Variants in CUL5 observed in about 807,000 individuals in gnomAD.
CUL5 encodes the protein cullin 5, also known as cullin-5.
CUL5 carries 26 observed loss-of-function variants against 108.8 expected under a neutral mutation model. The observed-to-expected ratio is 0.24, with a 90% CI of 0.18 to 0.33. The LOEUF (loss-of-function observed/expected upper bound fraction) is 0.33. Among genes scored for constraint, CUL5 ranks in the 10% least tolerant of loss-of-function variants. CUL5 has a pLI of 1.00. For synonymous variants in CUL5, 334 were observed against 298.0 expected, an observed-to-expected ratio of 1.12 and a Z score of -1.25; for missense variants, 524 against 909.2, an observed-to-expected ratio of 0.58 and a Z score of 5.45.
chr11:108,017,248 G>A (rs991646299), intron 1 of CUL5, among the ~76,000 whole-genome samples: 1 of 151,934 alleles, frequency 6.6e-6, no homozygotes, highest in Non-Finnish European at 1.5e-5. Flanking sequence ...TAAATACCTG[G>A]GGGTGGTGGT....
chr11:108,097,565 A>T (rs1591335494), intron 16 of CUL5, 71 bp from the exon 17 acceptor site: 2 of 823,590 alleles, frequency 2.4e-6, no homozygotes, highest in East Asian at 2.5e-5. Flanking sequence ...TATGTTGATT[A>T]TGTGGGAGAA....
In CUL5 at chr11:108,095,601, A is replaced by G. The variant is rs1864471541; in HGVS notation, c.1815A>G (p.Ala605=). ...VTTFQLAVLF[A]WNQRPREKIS... is the part of the protein sequence containing the mutation. Reference sequence around the variant, plus strand: ...CGTTTCAGCTCGCTGTATTGTTTGCATGGAACCAAAGACCCAGAGAGAAAA... The same window carrying G: ...CGTTTCAGCTCGCTGTATTGTTTGCGTGGAACCAAAGACCCAGAGAGAAAA... The change falls in exon 16 of 19, where the codon GCA becomes GCG. Residue 605 remains alanine, a synonymous_variant. Coordinates refer to ENST00000393094, the MANE Select transcript of CUL5 (RefSeq NM_003478.6). 6.2e-6 allele frequency: 10 copies of G among 1,614,070 alleles called. No individual in the cohort carries two copies. The highest frequency in any genetic ancestry group is 4.5e-5 in the East Asian group (2 of 44,870).
At chr11:108,038,975 C>T (rs1862818591) in intron 2 of CUL5, among the ~76,000 whole-genome samples, 1 of 150,992 alleles carries the variant, frequency 6.6e-6, no homozygotes, top group African/African-American at 2.4e-5. Context: ...AGAGATTGTT[C>T]TGCATGTTGT....
chr11:108,044,760 TTTA>T (rs934427830), intron 2 of CUL5, among the ~76,000 whole-genome samples: 2 of 151,554 alleles, frequency 1.3e-5, no homozygotes, highest in Non-Finnish European at 2.9e-5. Flanking sequence ...TATATTTTAA[TTTA>T]TTATTATTAT....
Position 108,095,634 on chromosome 11 carries a change from T to C in CUL5, c.1848T>C (p.Phe616=), listed in dbSNP as rs79102142. The part of the protein sequence containing the change: ...WNQRPREKIS[F]ENLKLATELP... ...AAAGACCCAGAGAGAAAATCAGCTTTGAAAATCTTAAGCTTGCAACTGAAC... is the reference window on the plus strand; with the variant it reads ...AAAGACCCAGAGAGAAAATCAGCTTCGAAAATCTTAAGCTTGCAACTGAAC... The change falls in exon 16 of 19, where the codon TTT becomes TTC. Residue 616 remains phenylalanine, a synonymous_variant. Transcript: ENST00000393094. 796 of 1,614,088 alleles carry C rather than the reference T, an allele frequency of 4.9e-4. 2 individuals carry two copies. In the African/African-American group the frequency reaches 9.7e-3, roughly 20 times the overall value.
At chr11:108,067,785 C>T (rs557440897) in intron 7 of CUL5, among the ~76,000 whole-genome samples, 103 of 152,184 alleles carry the variant, frequency 6.8e-4, no homozygotes, top group Non-Finnish European at 1.4e-3. Flanking sequence ...TCTGGTTTCA[C>T]TGCTTAAGGT....
chr11:108,038,242 T>A (rs561316936), intron 2 of CUL5, among the ~76,000 whole-genome samples: 3 of 152,322 alleles, frequency 2.0e-5, no homozygotes, highest in Admixed American at 2.0e-4. Context: ...TTTGCCAGTC[T>A]GTGTTGATAA....
rs575166432 is a variant in CUL5, at chr11:108,022,987, G to A, written c.25-10815G>A. 9.9e-5 allele frequency among the ~76,000 whole-genome samples: 15 copies of A among 152,282 alleles called. 1 individual carries two copies. The highest frequency in any genetic ancestry group is 8.3e-4 in the South Asian group (4 of 4,824). ...TTCCTGGCCCAGCGTGGTGGCTCAC[G>A]CCTGTAATCCTAGCACTTTGGGAGG... On this transcript the variant is annotated intron_variant, in intron 1 of 18. Transcript: ENST00000393094.
intron 1 of CUL5, among the ~76,000 whole-genome samples, chr11:108,028,028 C>G (rs1009550917): frequency 3.9e-5 from 6 of 152,140 alleles, no homozygotes; most frequent in African/African-American, 1.4e-4. Context: ...CTTGGGTCTC[C>G]ATCTTTATGT....
intron 2 of CUL5, among the ~76,000 whole-genome samples, chr11:108,039,915 CTTAG>C (rs755893189): frequency 3.3e-5 from 5 of 152,024 alleles, no homozygotes; most frequent in Admixed American, 6.6e-5. Context: ...GTTTCTTGGT[CTTAG>C]TTAGAAGCAT....
At chr11:108,027,621 CTGG>C (rs1248666634) in intron 1 of CUL5, among the ~76,000 whole-genome samples, 1 of 152,010 alleles carries the variant, frequency 6.6e-6, no homozygotes, top group Non-Finnish European at 1.5e-5. Context: ...GTTGCCCAGG[CTGG>C]TCTCGAACTC....
intron 13 of CUL5, among the ~76,000 whole-genome samples, chr11:108,091,670 C>G (rs1042288650): frequency 6.8e-6 from 1 of 146,410 alleles, no homozygotes; most frequent in Admixed American, 6.9e-5. Flanking sequence ...GCCTGAGCAA[C>G]AGAGTCAGAT....
chr11:108,084,489 C>T (rs112573913), intron 11 of CUL5, among the ~76,000 whole-genome samples: 6 of 152,200 alleles, frequency 3.9e-5, no homozygotes, highest in Non-Finnish European at 7.3e-5. Flanking sequence ...AGGGACATAT[C>T]TTCGATTCAG....
chr11:108,098,379 A>C, intron 17 of CUL5, 27 bp from the exon 18 acceptor site: 1 of 1,582,954 alleles, frequency 6.3e-7, no homozygotes, highest in South Asian at 1.2e-5. Flanking sequence ...TTTCACCATA[A>C]AATACTTGAT....
intron 1 of CUL5, among the ~76,000 whole-genome samples, chr11:108,029,849 G>A (rs1181361901): frequency 6.6e-6 from 1 of 152,140 alleles, no homozygotes; most frequent in African/African-American, 2.4e-5. Context: ...TTTATCTCCA[G>A]TACCTGTCTA....
chr11:108,099,896 CA>C (rs1242058119), intron 18 of CUL5, among the ~76,000 whole-genome samples: 50 of 139,230 alleles, frequency 3.6e-4, no homozygotes, highest in Admixed American at 4.4e-4. Flanking sequence ...ATAACTTAAA[CA>C]AAAAAAAAAT....
At chr11:108,039,374 C>T (rs748149662) in intron 2 of CUL5, among the ~76,000 whole-genome samples, 30 of 152,152 alleles carry the variant, frequency 2.0e-4, no homozygotes, top group Non-Finnish European at 3.2e-4. Flanking sequence ...TTTCTCCTCA[C>T]CCTTCTGTGT....
chr11:108,041,554 G>A (rs1376712687), intron 2 of CUL5, among the ~76,000 whole-genome samples: 3 of 151,626 alleles, frequency 2.0e-5, no homozygotes, highest in Non-Finnish European at 4.4e-5. Context: ...TGGGATTACA[G>A]GTAGAGCCAC....
rs527308490 is a variant in CUL5 at position 108,026,302 on chromosome 11, A to G, written c.25-7500A>G. On this transcript the variant is annotated intron_variant, in intron 1 of 18. Coordinates refer to ENST00000393094, the MANE Select transcript of CUL5 (RefSeq NM_003478.6). ...TTTGCACCTTAAATCCATGACCACAATGAGGCCAGTCATACTGCATTTCCA... is the reference window on the plus strand; with the variant it reads ...TTTGCACCTTAAATCCATGACCACAGTGAGGCCAGTCATACTGCATTTCCA... Among the ~76,000 whole-genome samples the G allele has an allele frequency of 1.2e-4, 18 of 152,240 alleles. No individual in the cohort carries two copies. In the South Asian group the frequency reaches 1.5e-3, roughly 12 times the overall value.
Sources: allele counts gnomAD v4.1 joint callset (sites outside exome capture counted in the v4.1 genomes callset), GRCh38; gene constraint gnomAD v4.1.1; transcripts MANE v1.5; gene names NCBI Gene and HGNC (gene_info 2026-07-23, HGNC 2026-07-21).